The following RAD51B variants were observed in gnomAD, a reference collection of about 807,000 sequenced individuals.
RAD51B encodes the protein DNA repair protein RAD51 homolog 2.
In RAD51B, 38 loss-of-function variants were observed where a neutral mutation model predicts 42.2. The observed-to-expected ratio is 0.90, with a 90% CI of 0.70 to 1.18. The LOEUF (loss-of-function observed/expected upper bound fraction) is 1.18. Ranked by LOEUF, RAD51B falls within the 50% of genes most tolerant of loss-of-function variation. The pLI, the probability that RAD51B is intolerant of heterozygous loss-of-function variation, is 0.00. For synonymous variants in RAD51B, 154 were observed against 145.2 expected, an observed-to-expected ratio of 1.06 and a Z score of -0.43; for missense variants, 373 against 400.7, an observed-to-expected ratio of 0.93 and a Z score of 0.59.
At chr14:68,561,891 C>A (rs1889170306) in intron 10 of RAD51B, 7 of 909,544 alleles carry the variant, frequency 7.7e-6, no homozygotes, top group Non-Finnish European at 9.2e-6. Flanking sequence ...GGACAACAGT[C>A]TTCCATGCAG....
chr14:67,840,147 G>A (rs1213002458), intron 4 of RAD51B, among the ~76,000 whole-genome samples: 1 of 152,094 alleles, frequency 6.6e-6, no homozygotes, highest in Non-Finnish European at 1.5e-5. Flanking sequence ...TTTATTTTAG[G>A]TTCAGGGGGT....
At chr14:68,084,110 C>G (rs931858598) in intron 7 of RAD51B, among the ~76,000 whole-genome samples, 16 of 152,072 alleles carry the variant, frequency 1.1e-4, no homozygotes, top group African/African-American at 3.4e-4. Context: ...ATTAATAAAT[C>G]TTATTAGAAC....
chr14:67,983,142 G>C (rs2075125637), intron 7 of RAD51B, among the ~76,000 whole-genome samples: 1 of 152,130 alleles, frequency 6.6e-6, no homozygotes, highest in Admixed American at 6.5e-5. Context: ...TTTGGGAAAG[G>C]AAATTCTTGG....
At chr14:68,580,163 C>G (rs371906442) in intron 10 of RAD51B, among the ~76,000 whole-genome samples, 1 of 152,206 alleles carries the variant, frequency 6.6e-6, no homozygotes, top group Non-Finnish European at 1.5e-5. Flanking sequence ...CCCGGGCTCC[C>G]GGTTCCCCCT....
rs1388139573 is a variant in RAD51B at position 68,272,532 on chromosome 14, C to T, written c.757-19352C>T. On this transcript the variant is annotated intron_variant, in intron 7 of 10. Transcript: ENST00000471583. The stretch of plus-strand genomic sequence containing the variant: ...TTTGTGAAGATTAAATGAGATACTA[C>T]ATGTAAAGAGCACTTTGGAAGTACT... Among the ~76,000 whole-genome samples the T allele has an allele frequency of 2.0e-5, 3 of 148,708 alleles. No homozygotes were observed. In the Middle Eastern group the frequency reaches 0.011, roughly 539 times the overall value.
chr14:68,654,108 G>A (rs764946275), intron 11 of RAD51B, among the ~76,000 whole-genome samples: 7 of 152,252 alleles, frequency 4.6e-5, no homozygotes, highest in Admixed American at 2.6e-4. Context: ...AGGAAGAGAT[G>A]ATGTGGGCTT....
At chr14:68,012,881 G>A (rs1269046023) in intron 7 of RAD51B, among the ~76,000 whole-genome samples, 3 of 152,042 alleles carry the variant, frequency 2.0e-5, no homozygotes, top group African/African-American at 7.2e-5. Context: ...GTTTAATTTT[G>A]TAAGTCTTTT....
intron 7 of RAD51B, among the ~76,000 whole-genome samples, chr14:68,157,350 C>T (rs1387418826): frequency 6.6e-6 from 1 of 152,096 alleles, no homozygotes; most frequent in African/African-American, 2.4e-5. Flanking sequence ...AACAGGTTTT[C>T]TATAAGCTAA....
chr14:68,492,869 A>G (rs76300876), intron 10 of RAD51B, among the ~76,000 whole-genome samples: 21,456 of 152,182 alleles, frequency 0.14, 2,045 homozygotes, highest in Non-Finnish European at 0.21. Context: ...CCTCTGAGGC[A>G]AGTACCATTA....
chr14:68,202,385 A>C (rs2079504180), intron 7 of RAD51B, among the ~76,000 whole-genome samples: 1 of 152,128 alleles, frequency 6.6e-6, no homozygotes, highest in South Asian at 2.1e-4. Flanking sequence ...GTTTGATAAC[A>C]CTTAACCCAT....
At chr14:68,682,874 G>A in intron 11 of RAD51B, 1 of 797,408 alleles carries the variant, frequency 1.3e-6, no homozygotes, top group South Asian at 5.8e-5. Context: ...ATCTCACAAG[G>A]CTTTTTTTTT....
rs1282791192 is a variant in RAD51B, at chr14:67,823,581, A to G, written c.38A>G (p.Gln13Arg). 3 of 1,613,918 alleles carry G rather than the reference A, an allele frequency of 1.9e-6. No homozygotes were observed. Among genetic ancestry groups the G allele is most frequent in the Non-Finnish European group, 1.7e-6 (2 of 1,179,906 alleles). The change falls in exon 2 of 11, where the codon CAA (glutamine) becomes CGA (arginine). Residue 13 changes from glutamine to arginine, a missense_variant. Physicochemically the swap from Gln to Arg is conservative, Grantham distance 43. Transcript: ENST00000471583. ...SKKLKRVGLS[Q>R]ELCDRLSRHQ... ...AAACTAAAACGAGTGGGTTTATCAC[A>G]AGAGCTGTGTGACCGTCTGAGTAGA...
At chr14:68,097,294 GT>G (rs909621885) in intron 7 of RAD51B, among the ~76,000 whole-genome samples, 10 of 147,960 alleles carry the variant, frequency 6.8e-5, no homozygotes, top group Admixed American at 3.4e-4. Context: ...AACTATTTTG[GT>G]TTTTTTTTTA....
At chr14:68,066,137 T>C (rs2076646321) in intron 7 of RAD51B, among the ~76,000 whole-genome samples, 1 of 152,094 alleles carries the variant, frequency 6.6e-6, no homozygotes, top group South Asian at 2.1e-4. Context: ...TACAGTATAG[T>C]CTTATGAAGT....
intron 10 of RAD51B, among the ~76,000 whole-genome samples, chr14:68,506,982 A>C (rs1445889350): frequency 1.3e-5 from 2 of 152,024 alleles, no homozygotes; most frequent in African/African-American, 4.8e-5. Flanking sequence ...TTCCTGTACT[A>C]GTTACCAGCC....
chr14:68,175,656 A>G (rs1721068947), intron 7 of RAD51B, among the ~76,000 whole-genome samples: 2 of 152,170 alleles, frequency 1.3e-5, no homozygotes, highest in South Asian at 4.1e-4. Flanking sequence ...TTCAAGTTGA[A>G]TTATGGTGTC....
chr14:68,118,947 C>T (rs562429764), intron 7 of RAD51B, among the ~76,000 whole-genome samples: 6 of 151,994 alleles, frequency 3.9e-5, no homozygotes, highest in East Asian at 3.9e-4. Context: ...GCAGGGGAAC[C>T]GCCAAACAAG....
chr14:68,058,293 G>A (rs1170906994), intron 7 of RAD51B, among the ~76,000 whole-genome samples: 1 of 151,842 alleles, frequency 6.6e-6, no homozygotes, highest in African/African-American at 2.4e-5. Flanking sequence ...GACCCTTTTT[G>A]GCCTTTCCAG....
At chr14:68,603,080 C>T (rs1460591858) in intron 10 of RAD51B, among the ~76,000 whole-genome samples, 2 of 152,156 alleles carry the variant, frequency 1.3e-5, no homozygotes, top group Non-Finnish European at 2.9e-5. Context: ...ATCAAAGCTG[C>T]CCTTACGTGT....
Sources: gnomAD v4.1 joint callset for allele counts (sites outside exome capture counted in the v4.1 genomes callset) on GRCh38, gnomAD v4.1.1 for gene constraint, MANE v1.5 for transcripts, NCBI Gene and HGNC (gene_info 2026-07-23, HGNC 2026-07-21) for gene names.